KIF18A: variants seen among roughly 807,000 people sequenced by gnomAD.
KIF18A encodes kinesin-like protein KIF18A.
Under a neutral mutation model 103.3 loss-of-function variants are expected in KIF18A, and 67 were observed. The observed-to-expected ratio is 0.65, with a 90% CI of 0.53 to 0.79. The LOEUF (loss-of-function observed/expected upper bound fraction) is 0.79. Ranked by LOEUF, KIF18A falls within the 30% of genes least tolerant of loss-of-function variation. The pLI is 0.00. For synonymous variants in KIF18A, 367 were observed against 355.5 expected (o/e 1.03, Z -0.36); for missense variants, 1,032 against 1,062.5 (o/e 0.97, Z 0.40).
At chr11:28,079,799 T>C (rs1357212206) in intron 9 of KIF18A, among the ~76,000 whole-genome samples, 1 of 152,060 alleles carries the variant, frequency 6.6e-6, no homozygotes, top group Non-Finnish European at 1.5e-5. Flanking sequence ...GAATTCCTTA[T>C]TGTCCTCCTA....
rs1229576797 is a variant in KIF18A, at chr11:28,077,256, G to C, written c.1263-87C>G. Reference sequence around the variant, plus strand: ...ACTTAAGAGAAATGCATAAACAAAGGAATATATGTAATTCACAGAACTACA... The same window carrying C: ...ACTTAAGAGAAATGCATAAACAAAGCAATATATGTAATTCACAGAACTACA... On this transcript the variant is annotated intron_variant, in intron 9 of 16. Coordinates refer to ENST00000263181, the MANE Select transcript of KIF18A (RefSeq NM_031217.4). The C allele has an allele frequency of 1.3e-5, 11 of 871,930 alleles. No homozygotes were observed. In the East Asian group the frequency reaches 2.8e-4, roughly 23 times the overall value. The allele number at this position is 871,930 out of a possible 1,614,324, so 54.0% of individuals were successfully genotyped here. A position where few individuals can be genotyped will look rare whatever the true frequency, so the allele number is the denominator to read the frequency against.
chr11:28,086,713 G>A (rs966378862), intron 6 of KIF18A, among the ~76,000 whole-genome samples: 7 of 152,158 alleles, frequency 4.6e-5, no homozygotes, highest in African/African-American at 1.7e-4. Context: ...CCCAAACAGT[G>A]TGAAATATGC....
At position 28,057,106 on chromosome 11, in the gene KIF18A, A is replaced by G. The variant is rs151236777; in HGVS notation, c.1948+1820T>C. On this transcript the variant is annotated intron_variant, in intron 13 of 16. Coordinates refer to ENST00000263181, the MANE Select transcript of KIF18A (RefSeq NM_031217.4). ...GTGCCAAGTAAAAAACCAAGCAAAC[A>G]AAAAGCCCCTCAAACCCATAACAAA... Among the ~76,000 whole-genome samples the G allele has an allele frequency of 2.0e-4, 31 of 152,204 alleles. No homozygotes were observed. In the East Asian group the frequency reaches 5.8e-3, roughly 29 times the overall value.
At chr11:28,041,696 G>A (rs557054410) in intron 13 of KIF18A, among the ~76,000 whole-genome samples, 2 of 151,898 alleles carry the variant, frequency 1.3e-5, no homozygotes, top group Admixed American at 6.6e-5. Flanking sequence ...CAGAAAAATC[G>A]GTAACAAGGC....
chr11:28,043,629 A>AT (rs1408971193), intron 13 of KIF18A, among the ~76,000 whole-genome samples: 2 of 135,062 alleles, frequency 1.5e-5, no homozygotes, highest in African/African-American at 3.1e-5. Context: ...ATTTGATGAT[A>AT]TAAAAAAATG....
intron 1 of KIF18A, among the ~76,000 whole-genome samples, chr11:28,106,831 T>C (rs1016720302): frequency 6.6e-6 from 1 of 151,684 alleles, no homozygotes; most frequent in Non-Finnish European, 1.5e-5. Flanking sequence ...ATTAGCCGAG[T>C]GTGGTGGCAA....
At chr11:28,099,132 A>T (rs545883600) in intron 1 of KIF18A, among the ~76,000 whole-genome samples, 14 of 152,202 alleles carry the variant, frequency 9.2e-5, no homozygotes, top group Non-Finnish European at 1.9e-4. Flanking sequence ...TGGTATATGC[A>T]CTCAATGAAA....
chr11:28,069,305 A>G lies in KIF18A; in HGVS notation c.1544T>C (p.Val515Ala), dbSNP rs775096162. The change falls in exon 11 of 17, where the codon GTC becomes GCC. Residue 515 changes from valine to alanine, a missense_variant. Val to Ala is a moderately conservative substitution (Grantham distance 64, BLOSUM62 0). Transcript: ENST00000263181. ...ACTTAAGAGTCCCATTTCTTTTTCGACACGATGGAGCCAATTAGTATTCTC... is the reference window on the plus strand; with the variant it reads ...ACTTAAGAGTCCCATTTCTTTTTCGGCACGATGGAGCCAATTAGTATTCTC... ...FDENTNWLHRVEKEMGLLSQN... is the reference protein window; with the variant it reads ...FDENTNWLHRAEKEMGLLSQN... 1.2e-6 allele frequency: 2 copies of G among 1,613,492 alleles called. No individual in the cohort carries two copies. Among genetic ancestry groups the G allele is most frequent in the East Asian group, 4.5e-5 (2 of 44,820 alleles).
chr11:28,045,835 T>C (rs918375312), intron 13 of KIF18A, among the ~76,000 whole-genome samples: 21 of 151,630 alleles, frequency 1.4e-4, no homozygotes, highest in African/African-American at 3.9e-4. Flanking sequence ...TACAATGAAC[T>C]CAAACAAATT....
chr11:28,053,860 T>C (rs184285360), intron 13 of KIF18A, among the ~76,000 whole-genome samples: 39 of 152,000 alleles, frequency 2.6e-4, no homozygotes, highest in African/African-American at 9.2e-4. Flanking sequence ...CTTATATACA[T>C]GTTTGTAATT....
At chr11:28,063,892 A>C (rs1850885108) in intron 11 of KIF18A, among the ~76,000 whole-genome samples, 1 of 151,792 alleles carries the variant, frequency 6.6e-6, no homozygotes, top group Admixed American at 6.6e-5. Context: ...TAATAAAATA[A>C]TTTTAATAAA....
intron 13 of KIF18A, among the ~76,000 whole-genome samples, chr11:28,042,943 T>C (rs1177608458): frequency 6.6e-6 from 1 of 151,834 alleles, no homozygotes; most frequent in Admixed American, 6.6e-5. Context: ...GAATGACTTA[T>C]AGTACTCCCT....
At position 28,091,144 on chromosome 11, in the gene KIF18A, A is replaced by G. The variant is rs1453118286; in HGVS notation, c.588+265T>C. Among the ~76,000 whole-genome samples, 3 of 148,898 alleles carry G rather than the reference A, an allele frequency of 2.0e-5. No homozygotes were observed. In the Admixed American group the frequency reaches 2.0e-4, roughly 10 times the overall value. ...TCACAAAATAAATAAATAAATAAAT[A>G]AATAAATACATACATACATACATAC... On this transcript the variant is annotated intron_variant, in intron 4 of 16. Coordinates refer to ENST00000263181, the MANE Select transcript of KIF18A (RefSeq NM_031217.4).
chr11:28,093,159 G>A (rs1851325803), intron 3 of KIF18A, among the ~76,000 whole-genome samples: 1 of 152,120 alleles, frequency 6.6e-6, no homozygotes, highest in South Asian at 2.1e-4. Context: ...AATAAAAATT[G>A]TGAAAATAAC....
intron 14 of KIF18A, among the ~76,000 whole-genome samples, chr11:28,036,007 C>T (rs575149357): frequency 1.3e-4 from 20 of 151,428 alleles, no homozygotes; most frequent in African/African-American, 4.8e-4. Flanking sequence ...AGACTAACGA[C>T]GGTCAACTGA....
intron 15 of KIF18A, 90 bp downstream of exon 15, chr11:28,035,296 TA>T: frequency 1.9e-6 from 1 of 530,548 alleles, no homozygotes; most frequent in Non-Finnish European, 3.1e-6. Context: ...ATTGAGAGTC[TA>T]ATTATAAAAA....
At chr11:28,066,349 T>A (rs562648641) in intron 11 of KIF18A, among the ~76,000 whole-genome samples, 157 of 152,084 alleles carry the variant, frequency 1.0e-3, no homozygotes, top group Non-Finnish European at 1.8e-3. Context: ...TTCTTTGAAG[T>A]GATTTTATCA....
intron 11 of KIF18A, among the ~76,000 whole-genome samples, chr11:28,066,165 A>G (rs2133534517): frequency 6.6e-6 from 1 of 152,182 alleles, no homozygotes; most frequent in Non-Finnish European, 1.5e-5. Context: ...TTAGAAAATG[A>G]TAATCTTGAG....
intron 2 of KIF18A, 77 bp from the exon 3 acceptor site, chr11:28,094,877 T>C (rs1484900368): frequency 7.8e-7 from 1 of 1,285,854 alleles, no homozygotes; most frequent in African/African-American, 1.5e-5. Flanking sequence ...AGTGGATAGT[T>C]CCATCTGGAT....
Sources: allele counts gnomAD v4.1 joint callset (sites outside exome capture counted in the v4.1 genomes callset), GRCh38; gene constraint gnomAD v4.1.1; transcripts MANE v1.5; gene names NCBI Gene and HGNC (gene_info 2026-07-23, HGNC 2026-07-21).